The following TCHHL1 variants were observed in gnomAD, a reference collection of about 807,000 sequenced individuals.
TCHHL1 encodes the protein trichohyalin like 1.
Under a neutral mutation model 3.5 loss-of-function variants are expected in TCHHL1, and 1 was observed. The ratio of observed to expected loss-of-function variants is 0.29; its 90% CI spans 0.10 to 1.36. TCHHL1 has a LOEUF of 1.36. Ranked by LOEUF, TCHHL1 falls within the 40% of genes most tolerant of loss-of-function variation. The pLI, the probability that TCHHL1 is intolerant of heterozygous loss-of-function variation, is 0.43. For missense variants in TCHHL1, 1,027 were observed against 1,032.8 expected, an observed-to-expected ratio of 0.99 and a Z score of 0.08; for synonymous variants, 405 against 375.3, an observed-to-expected ratio of 1.08 and a Z score of -0.92.
Position 152,086,415 on chromosome 1 carries a change from C to G in TCHHL1, c.1267G>C (p.Asp423His), listed in dbSNP as rs758527812. 6.2e-7 allele frequency: 1 copy of G among 1,614,114 alleles called. No individual in the cohort carries two copies. Among genetic ancestry groups the G allele is most frequent in the Admixed American group, 1.7e-5 (1 of 60,016 alleles). The change falls in exon 3 of 3, where the codon GAT becomes CAT. Residue 423 changes from aspartate (D) to histidine (H), a missense_variant. Transcript: ENST00000368806. Reference protein sequence around the residue: ...RPLVLETQTQDGKYQELQGLS... With the variant: ...RPLVLETQTQHGKYQELQGLS... Reference sequence around the variant, plus strand: ...CCTTGGAGTTCCTGATACTTCCCATCCTGTGTTTGGGTTTCCAGGACTAGT... The same window carrying G: ...CCTTGGAGTTCCTGATACTTCCCATGCTGTGTTTGGGTTTCCAGGACTAGT...
Position 152,086,197 on chromosome 1 carries a change from T to C in TCHHL1, c.1485A>G (p.Ala495=), listed in dbSNP as rs777797164. 1.3e-5 allele frequency: 21 copies of C among 1,614,116 alleles called. No individual in the cohort carries two copies. In the East Asian group the frequency reaches 4.2e-4, roughly 33 times the overall value. The change falls in exon 3 of 3, where the codon GCA becomes GCG. Residue 495 remains alanine, a synonymous_variant. Coordinates refer to ENST00000368806, the MANE Select transcript of TCHHL1 (RefSeq NM_001008536.2). ...GTGCTAAATCTTGTGTTCTTTCTCT[T>C]GCCCCCAGTGTCCTTTCTGCTGCAG... is the stretch of plus-strand genomic sequence containing the variant. The part of the protein sequence containing the change: ...NAPAAERTLG[A]RERTQDLAPL...
Position 152,086,961 on chromosome 1 carries a change from C to G in TCHHL1, c.721G>C (p.Glu241Gln), listed in dbSNP as rs759445815. The G allele has an allele frequency of 3.5e-5, 57 of 1,614,036 alleles. 1 individual carries two copies. In the South Asian group the frequency reaches 5.8e-4, roughly 16 times the overall value. Residue 241 changes from glutamate to glutamine, a missense_variant, in exon 3 of 3, where the codon GAG (glutamate) becomes CAG (glutamine). This residue lies in a region of TCHHL1 where 338 missense variants were observed against 335.9 expected (regional missense o/e 1.01). Coordinates refer to ENST00000368806, the MANE Select transcript of TCHHL1 (RefSeq NM_001008536.2). Reference protein sequence around the residue: ...ISQEGDEPAREQSVSKIRDQF... With the variant: ...ISQEGDEPARQQSVSKIRDQF... ...TCTCTTATCTTGGAAACACTTTGCTCTCTGGCTGGTTCATCTCCTTCCTGG... is the reference window on the plus strand; with the variant it reads ...TCTCTTATCTTGGAAACACTTTGCTGTCTGGCTGGTTCATCTCCTTCCTGG...
chr1:152,086,226 C>T lies in TCHHL1; in HGVS notation c.1456G>A (p.Ala486Thr), dbSNP rs41266088. The T allele has an allele frequency of 1.6e-5, 26 of 1,614,158 alleles. No individual in the cohort carries two copies. The highest frequency in any genetic ancestry group is 9.3e-5 in the African/African-American group (7 of 75,030). Residue 486 changes from alanine to threonine, a missense_variant, in exon 3 of 3, where the codon GCA becomes ACA. Ala to Thr is a moderately conservative substitution (Grantham distance 58). This residue lies in a region of TCHHL1 where 673 missense variants were observed against 658.6 expected (regional missense o/e 1.02). Transcript: ENST00000368806. ...TAEAFVNSKN[A>T]PAAERTLGAR... is the part of the protein sequence containing the mutation. ...CCCAGTGTCCTTTCTGCTGCAGGTG[C>T]GTTTTTGCTGTTCACAAATGCTTCT...
At chr1:152,088,823 G>GT (rs892782847) in intron 1 of TCHHL1, among the ~76,000 whole-genome samples, 197 bp downstream of exon 1, 13 of 151,906 alleles carry the variant, frequency 8.6e-5, no homozygotes, top group Middle Eastern at 3.4e-3. Flanking sequence ...AACAATTTAT[G>GT]TTTTTTTTAA....
At position 152,084,961 on chromosome 1, in the gene TCHHL1, A is replaced by G. The variant is rs761768062; in HGVS notation, c.*6T>C. 1 of 1,609,662 alleles carries G rather than the reference A, an allele frequency of 6.2e-7. No homozygotes were observed. Among genetic ancestry groups the G allele is most frequent in the Non-Finnish European group, 8.5e-7 (1 of 1,177,436 alleles). On this transcript the variant is annotated 3_prime_UTR_variant, in exon 3 of 3. Transcript: ENST00000368806. ...GAAATTGGGGGCATGTTGAGATGAT[A>G]ATGATTCATTGCTTTGTGGTGCTTG...
rs550795240 is a variant in TCHHL1 at position 152,084,562 on chromosome 1, T to C, written c.*405A>G. 1.2e-5 allele frequency: 2 copies of C among 161,306 alleles called. No homozygotes were observed. Among genetic ancestry groups the C allele is most frequent in the African/African-American group, 4.8e-5 (2 of 41,690 alleles). 10.0% of individuals were successfully genotyped at this position (161,306 alleles called of 1,614,324 possible). ...ATGTCATGAAGCAGAGTAATCTATA[T>C]ATATGAATTAATATTTTATGATTAT... is the stretch of plus-strand genomic sequence containing the variant. On this transcript the variant is annotated 3_prime_UTR_variant, in exon 3 of 3. Coordinates refer to ENST00000368806, the MANE Select transcript of TCHHL1 (RefSeq NM_001008536.2).
chr1:152,086,791 AT>A lies in TCHHL1; in HGVS notation c.890del (p.Asp297ValfsTer91). ...NIQEPPLQRE[D>X]EPSSQHADLP... Reference sequence around the variant, plus strand: ...GGTCAGCATGCTGTGAACTGGGCTCATCTTCTCTTTGTAGGGGTGGTTCTTG... The same window carrying A: ...GGTCAGCATGCTGTGAACTGGGCTCACTTCTCTTTGTAGGGGTGGTTCTTG... On this transcript the variant is annotated frameshift_variant, in exon 3 of 3. Transcript: ENST00000368806. LOFTEE classifies it low-confidence loss of function (END_TRUNC). 1 of 1,614,112 alleles carries A rather than the reference AT, an allele frequency of 6.2e-7. No individual in the cohort carries two copies. Among genetic ancestry groups the A allele is most frequent in the East Asian group, 2.2e-5 (1 of 44,874 alleles).
At chr1:152,087,614 C>T in intron 2 of TCHHL1, 71 bp from the exon 3 acceptor site, 3 of 1,451,924 alleles carry the variant, frequency 2.1e-6, no homozygotes, top group Non-Finnish European at 2.7e-6. Flanking sequence ...TCCCAAGAAT[C>T]CTATTTTTCT....
rs570575108 is a variant in TCHHL1, at chr1:152,085,327, G to A, written c.2355C>T (p.Asp785=). 9 of 1,614,154 alleles carry A rather than the reference G, an allele frequency of 5.6e-6. No individual in the cohort carries two copies. The South Asian group carries it at 6.6e-5, about 12-fold the overall frequency. Residue 785 remains aspartate (D), a synonymous_variant, in exon 3 of 3, where the codon GAC becomes GAT. Coordinates refer to ENST00000368806, the MANE Select transcript of TCHHL1 (RefSeq NM_001008536.2). ...CCCTCTCCACAGAACAGGGCTCTTG[G>A]TCTCTCTGCATCTGCTTTTCAAGAC... ...WSSLEKQMQR[D]QEPCSVERGA...
Position 152,085,590 on chromosome 1 carries a change from C to A in TCHHL1, c.2092G>T (p.Glu698Ter). The A allele has an allele frequency of 1.2e-6, 2 of 1,614,168 alleles. No individual in the cohort carries two copies. Among genetic ancestry groups the A allele is most frequent in the Non-Finnish European group, 1.7e-6 (2 of 1,180,020 alleles). The part of the protein sequence containing the change: ...QLPGKGDSRN[E>*]LKVQGPSSKE... ...CTACTTGGGCCTTGGACCTTTAATTCATTTCTGCTATCTCCCTTTCCAGGG... is the reference window on the plus strand; with the variant it reads ...CTACTTGGGCCTTGGACCTTTAATTAATTTCTGCTATCTCCCTTTCCAGGG... The change falls in exon 3 of 3, where the codon GAA becomes TAA. Residue 698 changes from glutamate (E) to a stop codon, truncating the protein, a stop_gained. Transcript: ENST00000368806. LOFTEE classifies it low-confidence loss of function (END_TRUNC).
Position 152,085,549 on chromosome 1 carries a change from T to A in TCHHL1, c.2133A>T (p.Gly711=), listed in dbSNP as rs752034291. The change falls in exon 3 of 3, where the codon GGA becomes GGT. Residue 711 remains glycine, a synonymous_variant. Transcript: ENST00000368806. ...VQGPSSKEEK[G]RATEAQNTLL... is the part of the protein sequence containing the mutation. ...GAGTATTCTGGGCCTCTGTTGCTCT[T>A]CCTTTCTCTTCTTTGCTACTTGGGC... 5.2e-5 allele frequency: 84 copies of A among 1,614,108 alleles called. No homozygotes were observed. The Admixed American group carries it at 1.4e-3, about 26-fold the overall frequency.
At position 152,085,581 on chromosome 1, in the gene TCHHL1, C is replaced by T. The variant is rs1328173990; in HGVS notation, c.2101G>A (p.Val701Ile). Residue 701 changes from valine (V) to isoleucine (I), a missense_variant, in exon 3 of 3, where the codon GTC (valine) becomes ATC (isoleucine). Around this residue, in one of 3 missense-constraint regions of TCHHL1, gnomAD observed 673 missense variants for 658.6 expected, o/e 1.02. Transcript: ENST00000368806. ...TCTTCTTTGCTACTTGGGCCTTGGA[C>T]CTTTAATTCATTTCTGCTATCTCCC... The part of the protein sequence containing the change: ...GKGDSRNELK[V>I]QGPSSKEEKG... The T allele has an allele frequency of 5.0e-6, 8 of 1,614,186 alleles. No homozygotes were observed. The highest frequency in any genetic ancestry group is 5.1e-6 in the Non-Finnish European group (6 of 1,180,042).
chr1:152,085,903 A>T lies in TCHHL1; in HGVS notation c.1779T>A (p.Asp593Glu). Reference protein sequence around the residue: ...SVQGGHNNNPDTQRQGTPGEK... With the variant: ...SVQGGHNNNPETQRQGTPGEK... The stretch of plus-strand genomic sequence containing the variant: ...CACCAGGTGTTCCCTGCCTCTGGGT[A>T]TCTGGGTTATTATTGTGACCTCCTT... The change falls in exon 3 of 3, where the codon GAT becomes GAA. Residue 593 changes from aspartate (D) to glutamate (E), a missense_variant. By Grantham distance (45) the Asp-to-Glu change is conservative. This residue lies in a region of TCHHL1 where 673 missense variants were observed against 658.6 expected (regional missense o/e 1.02). Coordinates refer to ENST00000368806, the MANE Select transcript of TCHHL1 (RefSeq NM_001008536.2). The T allele has an allele frequency of 1.2e-6, 2 of 1,614,042 alleles. No homozygotes were observed. Among genetic ancestry groups the T allele is most frequent in the Non-Finnish European group, 1.7e-6 (2 of 1,179,998 alleles).
Position 152,085,348 on chromosome 1 carries a change from A to C in TCHHL1, c.2334T>G (p.Leu778=). 6.2e-7 allele frequency: 1 copy of C among 1,614,154 alleles called. No individual in the cohort carries two copies. The change falls in exon 3 of 3, where the codon CTT becomes CTG. Residue 778 remains leucine (L), a synonymous_variant. Transcript: ENST00000368806. ...CTTGGTCTCTCTGCATCTGCTTTTCAAGACTTGACCAGGGGACTGAAGAAT... is the reference window on the plus strand; with the variant it reads ...CTTGGTCTCTCTGCATCTGCTTTTCCAGACTTGACCAGGGGACTGAAGAAT... ...EHNSSVPWSS[L]EKQMQRDQEP... is the part of the protein sequence containing the mutation.
chr1:152,087,212 A>C lies in TCHHL1; in HGVS notation c.470T>G (p.Val157Gly). 1 of 1,613,376 alleles carries C rather than the reference A, an allele frequency of 6.2e-7. No individual in the cohort carries two copies. Among genetic ancestry groups the C allele is most frequent in the Non-Finnish European group, 8.5e-7 (1 of 1,179,836 alleles). Residue 157 changes from valine to glycine, a missense_variant, in exon 3 of 3, where the codon GTG becomes GGG. By Grantham distance (109) the Val-to-Gly change is moderately radical. This residue lies in a region of TCHHL1 where 338 missense variants were observed against 335.9 expected (regional missense o/e 1.01). Coordinates refer to ENST00000368806, the MANE Select transcript of TCHHL1 (RefSeq NM_001008536.2). ...AGTCTTGGCTTCTCTCCATGGGTCC[A>C]CTCTGTTATTTCCAACTGCTCCACT... ...EESGAVGNNRVDPWREAKTHN... is the reference protein window; with the variant it reads ...EESGAVGNNRGDPWREAKTHN...
In TCHHL1 at chr1:152,086,228, T is replaced by C. The variant is rs1657720624; in HGVS notation, c.1454A>G (p.Asn485Ser). 2 of 1,614,094 alleles carry C rather than the reference T, an allele frequency of 1.2e-6. No individual in the cohort carries two copies. The highest frequency in any genetic ancestry group is 1.7e-6 in the Non-Finnish European group (2 of 1,180,042). Reference protein sequence around the residue: ...GTAEAFVNSKNAPAAERTLGA... With the variant: ...GTAEAFVNSKSAPAAERTLGA... ...CAGTGTCCTTTCTGCTGCAGGTGCG[T>C]TTTTGCTGTTCACAAATGCTTCTGC... The change falls in exon 3 of 3, where the codon AAC (asparagine) becomes AGC (serine). Residue 485 changes from asparagine (N) to serine (S), a missense_variant. Physicochemically the swap from Asn to Ser is conservative, Grantham distance 46 (BLOSUM62 1). This residue lies in a region of TCHHL1 where 673 missense variants were observed against 658.6 expected (regional missense o/e 1.02). Coordinates refer to ENST00000368806, the MANE Select transcript of TCHHL1 (RefSeq NM_001008536.2).
In TCHHL1 at chr1:152,084,661, C is replaced by T. The variant is rs1346492105; in HGVS notation, c.*306G>A. On this transcript the variant is annotated 3_prime_UTR_variant, in exon 3 of 3. Transcript: ENST00000368806. ...TCAATGAATCAGTTGGAAAAACTGG[C>T]ACCTGCTAAAGATATGGAAGGAATT... 4 of 251,496 alleles carry T rather than the reference C, an allele frequency of 1.6e-5. No individual in the cohort carries two copies. The highest frequency in any genetic ancestry group is 3.0e-5 in the Non-Finnish European group (4 of 131,782). The allele number at this position is 251,496 out of a possible 1,614,324, so 15.6% of individuals were successfully genotyped here.
Position 152,085,578 on chromosome 1 carries a change from G to A in TCHHL1, c.2104C>T (p.Gln702Ter), listed in dbSNP as rs756377255. 10 of 1,614,194 alleles carry A rather than the reference G, an allele frequency of 6.2e-6. No homozygotes were observed. The highest frequency in any genetic ancestry group is 7.6e-6 in the Non-Finnish European group (9 of 1,180,044). ...TTCTCTTCTTTGCTACTTGGGCCTTGGACCTTTAATTCATTTCTGCTATCT... is the reference window on the plus strand; with the variant it reads ...TTCTCTTCTTTGCTACTTGGGCCTTAGACCTTTAATTCATTTCTGCTATCT... ...KGDSRNELKV[Q>*]GPSSKEEKGR... Residue 702 changes from glutamine to a stop codon, truncating the protein, a stop_gained, in exon 3 of 3, where the codon CAA becomes TAA. Transcript: ENST00000368806. LOFTEE classifies it low-confidence loss of function (END_TRUNC).
In TCHHL1 at chr1:152,085,934, G is replaced by C; in HGVS notation, c.1748C>G (p.Ser583Cys). 3 of 1,614,194 alleles carry C rather than the reference G, an allele frequency of 1.9e-6. No homozygotes were observed. Among genetic ancestry groups the C allele is most frequent in the African/African-American group, 1.3e-5 (1 of 75,054 alleles). ...GTTATTATTGTGACCTCCTTGCACA[G>C]ACTCTCCATGTTGGTCCCCTTGACT... ...SQSQGDQHGE[S>C]VQGGHNNNPD... The change falls in exon 3 of 3, where the codon TCT becomes TGT. Residue 583 changes from serine to cysteine, a missense_variant. Coordinates refer to ENST00000368806, the MANE Select transcript of TCHHL1 (RefSeq NM_001008536.2).
Sources: gnomAD v4.1 joint callset for allele counts (sites outside exome capture counted in the v4.1 genomes callset) on GRCh38, gnomAD v4.1.1 for gene constraint, gnomAD v4.1.1 regional missense constraint, MANE v1.5 for transcripts, NCBI Gene and HGNC (gene_info 2026-07-23, HGNC 2026-07-21) for gene names.